Variants in NRXN3 observed in about 807,000 individuals in gnomAD.
NRXN3 encodes the protein neurexin III.
A neutral mutation model predicts 137.6 loss-of-function variants in NRXN3; 32 were observed. The ratio of observed to expected loss-of-function variants is 0.23; its 90% CI spans 0.18 to 0.31. NRXN3 has a LOEUF of 0.31. Ranked by LOEUF, NRXN3 falls within the 10% of genes least tolerant of loss-of-function variation. The probability of loss-of-function intolerance (pLI) is 1.00; values close to 1 mark genes in which losing one functional copy is unlikely to be tolerated. For synonymous variants in NRXN3, 798 were observed against 784.5 expected, an observed-to-expected ratio of 1.02 and a Z score of -0.29; for missense variants, 1,574 against 2,062.5, an observed-to-expected ratio of 0.76 and a Z score of 4.59.
chr14:78,780,956 ACT>A (rs1333675431), intron 8 of NRXN3, among the ~76,000 whole-genome samples: 1 of 152,102 alleles, frequency 6.6e-6, no homozygotes, highest in Non-Finnish European at 1.5e-5. Context: ...CTTAAGGGAA[ACT>A]CTCAGGCAAT....
chr14:78,675,626 TTTA>T (rs2097995137), intron 6 of NRXN3, among the ~76,000 whole-genome samples: 1 of 152,138 alleles, frequency 6.6e-6, no homozygotes, highest in Non-Finnish European at 1.5e-5. Flanking sequence ...TCAAATAAAT[TTTA>T]TTATTATGCC....
chr14:78,614,974 C>T lies in NRXN3; in HGVS notation c.758-30146C>T, dbSNP rs767985437. On this transcript the variant is annotated intron_variant, in intron 4 of 20. Transcript: ENST00000335750. The stretch of plus-strand genomic sequence containing the variant: ...TTCTGCCGTGGGATGGTGTTAGGCC[C>T]GGGAAGAACAGAGCCTAAATGCACC... The T allele has an allele frequency of 7.2e-5, 33 of 456,430 alleles. 1 individual carries two copies. The highest frequency in any genetic ancestry group is 3.2e-4 in the Middle Eastern group (1 of 3,098). 28.3% of individuals were successfully genotyped at this position (456,430 alleles called of 1,614,324 possible). A position where few individuals can be genotyped will look rare whatever the true frequency, so the allele number is the denominator to read the frequency against.
intron 15 of NRXN3, among the ~76,000 whole-genome samples, chr14:79,412,582 C>A (rs1446856477): frequency 1.3e-5 from 2 of 151,076 alleles, no homozygotes; most frequent in East Asian, 3.9e-4. Flanking sequence ...AGTTTGAGAC[C>A]AGCCTGGCCA....
chr14:78,872,406 T>G (rs969369205), intron 10 of NRXN3, among the ~76,000 whole-genome samples: 3 of 151,152 alleles, frequency 2.0e-5, no homozygotes, highest in Non-Finnish European at 4.4e-5. Context: ...TTTATCATAT[T>G]AATGATGAGG....
chr14:78,695,007 C>T (rs2098211873), intron 6 of NRXN3, among the ~76,000 whole-genome samples: 1 of 151,982 alleles, frequency 6.6e-6, no homozygotes, highest in Admixed American at 6.6e-5. Context: ...AAGTCAGTTT[C>T]ACTGGGCTAA....
chr14:79,352,611 A>G (rs1433460367), intron 15 of NRXN3, among the ~76,000 whole-genome samples: 2 of 152,256 alleles, frequency 1.3e-5, no homozygotes, highest in Admixed American at 6.5e-5. Context: ...TGTCTTCTGG[A>G]AAGAAGTTTT....
chr14:79,237,828 G>T (rs2073658643), intron 15 of NRXN3, among the ~76,000 whole-genome samples: 1 of 152,096 alleles, frequency 6.6e-6, no homozygotes, highest in Admixed American at 6.6e-5. Flanking sequence ...GTTTCTTAAT[G>T]ATTTTGTGAT....
intron 4 of NRXN3, among the ~76,000 whole-genome samples, chr14:78,539,961 G>T (rs1042448253): frequency 6.6e-6 from 1 of 152,152 alleles, no homozygotes; most frequent in Non-Finnish European, 1.5e-5. Flanking sequence ...ATTGCACTGT[G>T]GTCTCAGAGA....
chr14:78,199,043 G>A (rs1028681901), intron 1 of NRXN3, among the ~76,000 whole-genome samples: 1 of 152,204 alleles, frequency 6.6e-6, no homozygotes, highest in Non-Finnish European at 1.5e-5. Flanking sequence ...GCAGAAATGC[G>A]AAAAGTGTTG....
In NRXN3 at chr14:79,557,964, T is replaced by C. The variant is rs77702924; in HGVS notation, c.3444+90562T>C. On this transcript the variant is annotated intron_variant, in intron 16 of 20. Coordinates refer to ENST00000335750, the MANE Select transcript of NRXN3 (RefSeq NM_001330195.2). Reference sequence around the variant, plus strand: ...AGTTTATGAAATATTCTACATCCTTTGTTGTCATTTCAACAGTGTTCACGA... The same window carrying C: ...AGTTTATGAAATATTCTACATCCTTCGTTGTCATTTCAACAGTGTTCACGA... Among the ~76,000 whole-genome samples the C allele has an allele frequency of 3.3e-4, 50 of 152,268 alleles. No homozygotes were observed. In the East Asian group the frequency reaches 7.1e-3, roughly 22 times the overall value.
intron 4 of NRXN3, among the ~76,000 whole-genome samples, chr14:78,556,507 A>T (rs1030584939): frequency 1.3e-5 from 2 of 152,242 alleles, no homozygotes; most frequent in Non-Finnish European, 2.9e-5. Flanking sequence ...ATGGTATGTC[A>T]TATGTAATAG....
At chr14:78,453,917 T>C (rs1356411062) in intron 4 of NRXN3, among the ~76,000 whole-genome samples, 1 of 152,188 alleles carries the variant, frequency 6.6e-6, no homozygotes, top group Non-Finnish European at 1.5e-5. Context: ...AATAACCAGC[T>C]CTGAAAACAC....
At chr14:78,589,594 T>C (rs2097097906) in intron 4 of NRXN3, among the ~76,000 whole-genome samples, 1 of 152,220 alleles carries the variant, frequency 6.6e-6, no homozygotes, top group African/African-American at 2.4e-5. Flanking sequence ...GCTCTTTTCA[T>C]CTGCTGCCTT....
At chr14:79,374,737 A>T (rs2094210070) in intron 15 of NRXN3, among the ~76,000 whole-genome samples, 2 of 152,092 alleles carry the variant, frequency 1.3e-5, no homozygotes, top group African/African-American at 2.4e-5. Context: ...CCACCTTTTC[A>T]GGCCAAACCA....
chr14:78,831,274 G>C (rs538478479), intron 10 of NRXN3, among the ~76,000 whole-genome samples: 14 of 152,088 alleles, frequency 9.2e-5, no homozygotes, highest in Middle Eastern at 3.4e-3. Context: ...AAAAAGAATA[G>C]AACAATATCA....
intron 14 of NRXN3, among the ~76,000 whole-genome samples, chr14:78,987,794 CCTTCTG>C (rs1366673170): frequency 6.6e-6 from 1 of 152,022 alleles, no homozygotes; most frequent in Non-Finnish European, 1.5e-5. Context: ...CAGCCCTCTC[CCTTCTG>C]TGTATAACTG....
intron 15 of NRXN3, among the ~76,000 whole-genome samples, chr14:79,397,356 G>A (rs2095055869): frequency 6.6e-6 from 1 of 152,146 alleles, no homozygotes; most frequent in Middle Eastern, 3.2e-3. Context: ...TTGATAACAA[G>A]ACCCATGTCT....
chr14:79,262,174 T>G (rs534196714), intron 15 of NRXN3, among the ~76,000 whole-genome samples: 2 of 152,220 alleles, frequency 1.3e-5, no homozygotes, highest in African/African-American at 4.8e-5. Flanking sequence ...AACATTCTCT[T>G]GGGCCCCTCC....
chr14:79,695,774 T>C (rs1315032274), intron 18 of NRXN3, among the ~76,000 whole-genome samples: 1 of 151,988 alleles, frequency 6.6e-6, no homozygotes, highest in Admixed American at 6.6e-5. Flanking sequence ...ATACAGACAG[T>C]GATGCATATG....
Sources: gnomAD v4.1 joint callset for allele counts (sites outside exome capture counted in the v4.1 genomes callset) on GRCh38, gnomAD v4.1.1 for gene constraint, MANE v1.5 for transcripts, NCBI Gene and HGNC (gene_info 2026-07-23, HGNC 2026-07-21) for gene names.